Variants in PRKCQ observed in about 807,000 individuals in gnomAD.
The protein encoded by PRKCQ is protein kinase C theta, also known as protein kinase C theta type.
In PRKCQ, 41 loss-of-function variants were observed where a neutral mutation model predicts 91.2. That is an observed-to-expected ratio of 0.45 (90% confidence interval 0.35 to 0.58). PRKCQ has a LOEUF of 0.58. Ranked by LOEUF, PRKCQ falls within the 20% of genes least tolerant of loss-of-function variation. The probability of loss-of-function intolerance (pLI) is 0.00; values close to 1 mark genes in which losing one functional copy is unlikely to be tolerated. For synonymous variants in PRKCQ, 307 were observed against 316.9 expected (o/e 0.97, Z 0.33); for missense variants, 673 against 896.5 (o/e 0.75, Z 3.18).
chr10:6,406,667 C>T, the PRKCQ span, among the ~76,000 whole-genome samples: 1 of 152,056 alleles, frequency 6.6e-6, no homozygotes, highest in African/African-American at 2.4e-5. Context: ...TGCCATGAAA[C>T]GAATATGTCT....
In PRKCQ at chr10:6,465,039, GCA is replaced by G. The variant is rs934285877; in HGVS notation, c.1354-637_1354-636del. On this transcript the variant is annotated intron_variant, in intron 12 of 17. Coordinates refer to ENST00000263125, the MANE Select transcript of PRKCQ (RefSeq NM_006257.5). The surrounding 1 kb of genome is among the most constrained non-coding windows in gnomAD (Gnocchi z 4.4). ...AATGGGATGGTGCCAGGCACTTAGG[GCA>G]CTTAGCATGTGCCGATTGTATACTT... Among the ~76,000 whole-genome samples the G allele has an allele frequency of 7.9e-5, 12 of 152,138 alleles. No individual in the cohort carries two copies. The highest frequency in any genetic ancestry group is 1.6e-4 in the Non-Finnish European group (11 of 68,040).
At chr10:6,458,648 C>T (rs765518755) in intron 14 of PRKCQ, among the ~76,000 whole-genome samples, 34 of 152,090 alleles carry the variant, frequency 2.2e-4, no homozygotes, top group South Asian at 6.2e-4. Context: ...CGGCTGGCTC[C>T]GCCTCACCAT....
chr10:6,444,767 A>G (rs1184552563), intron 15 of PRKCQ, among the ~76,000 whole-genome samples: 7 of 152,078 alleles, frequency 4.6e-5, no homozygotes, highest in African/African-American at 1.4e-4. Flanking sequence ...CTCGTATGAC[A>G]TGGAATTTTT....
chr10:6,518,781 G>C (rs1838882769), intron 1 of PRKCQ, among the ~76,000 whole-genome samples: 1 of 152,002 alleles, frequency 6.6e-6, no homozygotes, highest in South Asian at 2.1e-4. Context: ...TCATGTCATT[G>C]CACTCCAGCC....
At chr10:6,518,016 G>A (rs1838841879) in intron 1 of PRKCQ, among the ~76,000 whole-genome samples, 2 of 152,184 alleles carry the variant, frequency 1.3e-5, no homozygotes, top group South Asian at 4.1e-4. Context: ...AAAACTATAT[G>A]AAGAAAAACA....
At chr10:6,521,151 A>C (rs1044192447) in intron 1 of PRKCQ, among the ~76,000 whole-genome samples, 2 of 152,172 alleles carry the variant, frequency 1.3e-5, no homozygotes, top group African/African-American at 4.8e-5. Context: ...GTCTTCCTCA[A>C]CAATTCCGAG....
intron 1 of PRKCQ, among the ~76,000 whole-genome samples, chr10:6,560,987 C>T (rs1394573127): frequency 2.1e-5 from 3 of 145,538 alleles, no homozygotes; most frequent in Non-Finnish European, 3.0e-5. Flanking sequence ...TGCAGTGAGC[C>T]GAGATTGCAC....
At chr10:6,527,974 T>C (rs1839257281) in intron 1 of PRKCQ, among the ~76,000 whole-genome samples, 1 of 152,206 alleles carries the variant, frequency 6.6e-6, no homozygotes. Context: ...TCAGTCACTC[T>C]TCTCCTGACT....
chr10:6,539,797 TA>T (rs1309339827), intron 1 of PRKCQ, among the ~76,000 whole-genome samples: 1 of 152,170 alleles, frequency 6.6e-6, no homozygotes, highest in Non-Finnish European at 1.5e-5. Context: ...ACAAATTGCA[TA>T]AAATGTCTTT....
chr10:6,439,977 G>A lies in PRKCQ; in HGVS notation c.1836+1916C>T, dbSNP rs187480812. Among the ~76,000 whole-genome samples the A allele has an allele frequency of 1.8e-4, 28 of 152,246 alleles. No individual in the cohort carries two copies. The East Asian group carries it at 5.2e-3, about 28-fold the overall frequency. On this transcript the variant is annotated intron_variant, in intron 16 of 17. Coordinates refer to ENST00000263125, the MANE Select transcript of PRKCQ (RefSeq NM_006257.5). ...AATTATAATCCTATAATCCCCATGT[G>A]TCACGGGAGGGACTCGATGGGAGGT...
chr10:6,419,976 AACGTGCCCAGCCGAAATCTC>A, the PRKCQ span, among the ~76,000 whole-genome samples: 1 of 151,740 alleles, frequency 6.6e-6, no homozygotes, highest in Non-Finnish European at 1.5e-5. Flanking sequence ...GGTGTGAGGC[AACGTGCCCAGCCGAAATCTC>A]CTTTTTTTTG....
chr10:6,514,003 C>A lies in PRKCQ; in HGVS notation c.118+1015G>T, dbSNP rs866520044. Among the ~76,000 whole-genome samples the A allele has an allele frequency of 3.9e-5, 6 of 152,266 alleles. No individual in the cohort carries two copies. In the South Asian group the frequency reaches 1.2e-3, roughly 32 times the overall value. On this transcript the variant is annotated intron_variant, in intron 2 of 17. Coordinates refer to ENST00000263125, the MANE Select transcript of PRKCQ (RefSeq NM_006257.5). ...TTTTGTTTATTGCCACTTTCTTCTGCAAGAATAGATGCTCTAAAGGGAAGG... is the reference window on the plus strand; with the variant it reads ...TTTTGTTTATTGCCACTTTCTTCTGAAAGAATAGATGCTCTAAAGGGAAGG...
chr10:6,445,467 G>A (rs1039252446), intron 15 of PRKCQ, among the ~76,000 whole-genome samples: 6 of 152,112 alleles, frequency 3.9e-5, no homozygotes, highest in Admixed American at 6.5e-5. Flanking sequence ...CACCCTTCTT[G>A]TTTGTGAAAA....
intron 1 of PRKCQ, among the ~76,000 whole-genome samples, chr10:6,530,385 GAC>G (rs1307857559): frequency 6.6e-6 from 1 of 152,214 alleles, no homozygotes; most frequent in Non-Finnish European, 1.5e-5. Context: ...GCGGGCGTGT[GAC>G]ACTTTTCAAA....
At chr10:6,408,061 T>G in the PRKCQ span, among the ~76,000 whole-genome samples, 6 of 148,898 alleles carry the variant, frequency 4.0e-5, no homozygotes, top group African/African-American at 1.2e-4. Flanking sequence ...TTTTTTTTTT[T>G]TTTTTTTTTT....
At chr10:6,564,277 C>T (rs1840750724) in intron 1 of PRKCQ, among the ~76,000 whole-genome samples, 1 of 152,174 alleles carries the variant, frequency 6.6e-6, no homozygotes, top group Non-Finnish European at 1.5e-5. Flanking sequence ...AGACTAGAGG[C>T]TCAATCTCGG....
intron 4 of PRKCQ, among the ~76,000 whole-genome samples, chr10:6,502,592 C>A (rs1837978706): frequency 6.6e-6 from 1 of 152,118 alleles, no homozygotes; most frequent in Admixed American, 6.5e-5. Flanking sequence ...GGGGCAGAGG[C>A]TTGATATGGT....
At chr10:6,535,670 T>C (rs536781391) in intron 1 of PRKCQ, among the ~76,000 whole-genome samples, 32 of 152,274 alleles carry the variant, frequency 2.1e-4, no homozygotes, top group African/African-American at 7.5e-4. Context: ...GGCCACCTCC[T>C]GCACTGAGCG....
chr10:6,568,664 AT>A (rs1840923249), intron 1 of PRKCQ, among the ~76,000 whole-genome samples: 1 of 151,796 alleles, frequency 6.6e-6, no homozygotes, highest in South Asian at 2.1e-4. Flanking sequence ...TTCCTGGCTA[AT>A]TTTTTTGTAT....
Sources: gnomAD v4.1 joint callset for allele counts (sites outside exome capture counted in the v4.1 genomes callset) on GRCh38, gnomAD v4.1.1 for gene constraint, Gnocchi (gnomAD v3.1) non-coding constraint, MANE v1.5 for transcripts, NCBI Gene and HGNC (gene_info 2026-07-23, HGNC 2026-07-21) for gene names.